CADPS2: variants seen among roughly 807,000 people sequenced by gnomAD.
CADPS2 encodes the protein calcium dependent secretion activator 2.
In CADPS2, 93 loss-of-function variants were observed where a neutral mutation model predicts 172.5. The ratio of observed to expected loss-of-function variants is 0.54; its 90% CI spans 0.46 to 0.64. CADPS2 has a LOEUF of 0.64. Ranked by LOEUF, CADPS2 falls within the 30% of genes least tolerant of loss-of-function variation. The probability of loss-of-function intolerance (pLI) is 0.00; values close to 1 mark genes in which losing one functional copy is unlikely to be tolerated. For missense variants in CADPS2, 1,420 were observed against 1,565.9 expected (o/e 0.91, Z 1.57); for synonymous variants, 546 against 555.2 (o/e 0.98, Z 0.23).
At position 122,552,465 on chromosome 7, in the gene CADPS2, G is replaced by A. The variant is rs1015069001; in HGVS notation, c.1475+2085C>T. On this transcript the variant is annotated intron_variant, in intron 8 of 29. Transcript: ENST00000449022. The stretch of plus-strand genomic sequence containing the variant: ...GTCTTTTCCTTCACCTTTAGTCTTG[G>A]GCAGAAGGCAATTGCAGGCCTTTCT... 2.0e-5 allele frequency among the ~76,000 whole-genome samples: 3 copies of A among 151,952 alleles called. No individual in the cohort carries two copies. In the East Asian group the frequency reaches 5.8e-4, roughly 29 times the overall value.
At chr7:122,322,962 A>C (rs1469372874) in intron 29 of CADPS2, among the ~76,000 whole-genome samples, 1 of 152,180 alleles carries the variant, frequency 6.6e-6, no homozygotes, top group Non-Finnish European at 1.5e-5. Context: ...GCCAAGTCTA[A>C]GTGACCTGGA....
At chr7:122,606,212 C>G (rs1001542985) in intron 6 of CADPS2, among the ~76,000 whole-genome samples, 1 of 152,122 alleles carries the variant, frequency 6.6e-6, no homozygotes, top group Non-Finnish European at 1.5e-5. Context: ...ACAAGAATCA[C>G]CACTGTTAAA....
chr7:122,345,954 G>A (rs2037568197), intron 27 of CADPS2, among the ~76,000 whole-genome samples: 1 of 141,010 alleles, frequency 7.1e-6, no homozygotes. Flanking sequence ...ATCTTGAAAG[G>A]CCAGTATGTC....
chr7:122,660,686 G>A (rs1010914973), intron 3 of CADPS2, among the ~76,000 whole-genome samples: 4 of 151,766 alleles, frequency 2.6e-5, no homozygotes, highest in East Asian at 1.9e-4. Context: ...CGAGGCGGGC[G>A]GATCATGAGG....
chr7:122,668,758 C>G (rs2081454905), intron 2 of CADPS2, among the ~76,000 whole-genome samples: 1 of 152,154 alleles, frequency 6.6e-6, no homozygotes, highest in East Asian at 1.9e-4. Context: ...TTTTTATCAT[C>G]ACCAGGTCAC....
intron 28 of CADPS2, chr7:122,330,657 A>G (rs910090385): frequency 2.0e-5 from 3 of 152,188 alleles, no homozygotes; most frequent in Non-Finnish European, 4.4e-5. Flanking sequence ...AAACCAGCCT[A>G]TTAGGTTTAA....
chr7:122,746,720 C>T (rs573582234), intron 1 of CADPS2, among the ~76,000 whole-genome samples: 1 of 152,234 alleles, frequency 6.6e-6, no homozygotes, highest in East Asian at 1.9e-4. Context: ...TCCTGGGCTG[C>T]ATACGACCTG....
At chr7:122,834,457 C>G (rs1481369635) in intron 1 of CADPS2, among the ~76,000 whole-genome samples, 1 of 152,042 alleles carries the variant, frequency 6.6e-6, no homozygotes, top group Non-Finnish European at 1.5e-5. Context: ...CGGGTGCAGC[C>G]CACTGAGCGA....
At chr7:122,523,016 T>C (rs550096648) in intron 8 of CADPS2, among the ~76,000 whole-genome samples, 1 of 152,316 alleles carries the variant, frequency 6.6e-6, no homozygotes, top group South Asian at 2.1e-4. Flanking sequence ...CTGAGAACAA[T>C]GCTACGATAA....
At position 122,459,461 on chromosome 7, in the gene CADPS2, C is replaced by G. The variant is rs562538733; in HGVS notation, c.2187-7986G>C. On this transcript the variant is annotated intron_variant, in intron 14 of 29. Coordinates refer to ENST00000449022, the MANE Select transcript of CADPS2 (RefSeq NM_017954.11). Reference sequence around the variant, plus strand: ...TGCAAAGTTGGTTTTTTAGAAAGCACTTATCAGCTTACACTCTGGCCTGCA... The same window carrying G: ...TGCAAAGTTGGTTTTTTAGAAAGCAGTTATCAGCTTACACTCTGGCCTGCA... 4.6e-5 allele frequency among the ~76,000 whole-genome samples: 7 copies of G among 152,212 alleles called. No individual in the cohort carries two copies. The South Asian group carries it at 1.4e-3, about 32-fold the overall frequency.
chr7:122,393,620 A>C, intron 20 of CADPS2, 38 bp from the exon 21 acceptor site: 1 of 1,611,462 alleles, frequency 6.2e-7, no homozygotes, highest in Non-Finnish European at 8.5e-7. Flanking sequence ...TGTCAGAGGG[A>C]TAATATCAGA....
chr7:122,744,218 C>T (rs1269613416), intron 1 of CADPS2, among the ~76,000 whole-genome samples: 1 of 152,162 alleles, frequency 6.6e-6, no homozygotes, highest in Non-Finnish European at 1.5e-5. Flanking sequence ...GCTGAAGTTT[C>T]ACCTTGATTC....
chr7:122,454,170 G>A (rs2053476139), intron 14 of CADPS2, among the ~76,000 whole-genome samples: 1 of 152,116 alleles, frequency 6.6e-6, no homozygotes, highest in African/African-American at 2.4e-5. Context: ...TCTTGTCACT[G>A]TAATTATTAA....
chr7:122,481,284 C>T (rs1563463233), intron 11 of CADPS2, among the ~76,000 whole-genome samples: 1 of 151,424 alleles, frequency 6.6e-6, no homozygotes, highest in Non-Finnish European at 1.5e-5. Flanking sequence ...GAGGTCTGCC[C>T]TGATTTAAAA....
chr7:122,508,449 GTTTTTT>G (rs1205155217), intron 9 of CADPS2, among the ~76,000 whole-genome samples: 19 of 68,430 alleles, frequency 2.8e-4, no homozygotes, highest in African/African-American at 6.6e-4. Flanking sequence ...ATTCATTTAA[GTTTTTT>G]TTTTTTTTTT....
intron 6 of CADPS2, among the ~76,000 whole-genome samples, chr7:122,605,280 A>G (rs534397757): frequency 6.6e-6 from 1 of 152,180 alleles, no homozygotes; most frequent in Admixed American, 6.6e-5. Flanking sequence ...TAAAAACTGA[A>G]CACTTAGGCT....
chr7:122,708,467 T>G (rs914327790), intron 2 of CADPS2, among the ~76,000 whole-genome samples: 10 of 140,524 alleles, frequency 7.1e-5, no homozygotes, highest in Non-Finnish European at 7.7e-5. Flanking sequence ...TGTGGATATA[T>G]ATATATATAT....
At chr7:122,441,242 G>C (rs1417661651) in intron 16 of CADPS2, among the ~76,000 whole-genome samples, 1 of 152,060 alleles carries the variant, frequency 6.6e-6, no homozygotes, top group Non-Finnish European at 1.5e-5. Flanking sequence ...TATTTCATGA[G>C]GGAAATAAAG....
At chr7:122,808,270 T>C (rs1025229018) in intron 1 of CADPS2, among the ~76,000 whole-genome samples, 5 of 152,196 alleles carry the variant, frequency 3.3e-5, no homozygotes, top group Admixed American at 3.3e-4. Context: ...CCTGGCAACA[T>C]TCTATGTTCA....
Sources: gnomAD v4.1 joint callset for allele counts (sites outside exome capture counted in the v4.1 genomes callset) on GRCh38, gnomAD v4.1.1 for gene constraint, MANE v1.5 for transcripts, NCBI Gene and HGNC (gene_info 2026-07-23, HGNC 2026-07-21) for gene names.